Variants in ARHGAP12 observed in about 807,000 individuals in gnomAD.
The protein encoded by ARHGAP12 is rho GTPase-activating protein 12.
In ARHGAP12, 64 loss-of-function variants were observed where a neutral mutation model predicts 108.6. The ratio of observed to expected loss-of-function variants is 0.59; its 90% CI spans 0.48 to 0.73. The LOEUF (loss-of-function observed/expected upper bound fraction) is 0.73, where lower values mean the gene tolerates loss of function less well. ARHGAP12 is among the 30% of genes least tolerant of loss of function. ARHGAP12 has a pLI of 0.00. For missense variants in ARHGAP12, 940 were observed against 1,005.9 expected, an observed-to-expected ratio of 0.93 and a Z score of 0.89; for synonymous variants, 312 against 337.2, an observed-to-expected ratio of 0.93 and a Z score of 0.82.
intron 4 of ARHGAP12, 132 bp from the exon 5 acceptor site, chr10:31,854,338 G>C: frequency 1.2e-6 from 1 of 835,714 alleles, no homozygotes; most frequent in Non-Finnish European, 1.7e-6. Flanking sequence ...ATTTGATTTT[G>C]AAAATAAATT....
intron 10 of ARHGAP12, among the ~76,000 whole-genome samples, chr10:31,829,429 C>T (rs1835749123): frequency 6.6e-6 from 1 of 152,076 alleles, no homozygotes. Flanking sequence ...ATACTTAACA[C>T]CACTGAGATG....
intron 19 of ARHGAP12, 55 bp downstream of exon 19, chr10:31,808,594 C>A (rs895851933): frequency 6.6e-7 from 1 of 1,516,398 alleles, no homozygotes; most frequent in South Asian, 1.2e-5. Context: ...GCCCCACAGG[C>A]CTTCCCGCTT....
chr10:31,871,101 C>G (rs1326845261), intron 3 of ARHGAP12, among the ~76,000 whole-genome samples: 1 of 152,116 alleles, frequency 6.6e-6, no homozygotes. Context: ...TGAGACACAG[C>G]ATGCAGAAAA....
intron 3 of ARHGAP12, among the ~76,000 whole-genome samples, chr10:31,904,781 T>C (rs1839061165): frequency 6.6e-6 from 1 of 151,844 alleles, no homozygotes; most frequent in South Asian, 2.1e-4. Context: ...CACATGCCAC[T>C]ACACCCATCT....
chr10:31,890,387 T>C (rs1035098395), intron 3 of ARHGAP12, among the ~76,000 whole-genome samples: 1 of 152,222 alleles, frequency 6.6e-6, no homozygotes, highest in Non-Finnish European at 1.5e-5. Flanking sequence ...TATTACGTTA[T>C]AAATACTGAG....
chr10:31,848,514 T>C (rs954289210), intron 6 of ARHGAP12, among the ~76,000 whole-genome samples: 4 of 152,200 alleles, frequency 2.6e-5, no homozygotes, highest in Non-Finnish European at 5.9e-5. Context: ...TACATGAATA[T>C]AGAAAACTTT....
intron 6 of ARHGAP12, among the ~76,000 whole-genome samples, chr10:31,847,491 T>C (rs541095528): frequency 6.6e-6 from 1 of 152,292 alleles, no homozygotes; most frequent in African/African-American, 2.4e-5. Flanking sequence ...CCCCACCATG[T>C]TTCAGTTCTC....
At chr10:31,814,588 G>T (rs11008656) in intron 13 of ARHGAP12, among the ~76,000 whole-genome samples, 7,634 of 152,020 alleles carry the variant, frequency 0.05, 643 homozygotes, top group African/African-American at 0.17. Context: ...AAATTCACAG[G>T]ATAATGGGTT....
intron 10 of ARHGAP12, among the ~76,000 whole-genome samples, chr10:31,829,727 AAAGACC>A (rs1835761295): frequency 6.6e-6 from 1 of 152,248 alleles, no homozygotes; most frequent in Non-Finnish European, 1.5e-5. Context: ...CAGGTGCAAC[AAAGACC>A]AACGGCTTTT....
intron 1 of ARHGAP12, among the ~76,000 whole-genome samples, chr10:31,913,994 T>C (rs948965354): frequency 6.6e-6 from 1 of 152,144 alleles, no homozygotes; most frequent in African/African-American, 2.4e-5. Flanking sequence ...ACAGCACAAA[T>C]CAGTTACTTA....
chr10:31,856,841 A>C (rs1285869424), intron 4 of ARHGAP12, among the ~76,000 whole-genome samples: 2 of 152,204 alleles, frequency 1.3e-5, no homozygotes, highest in African/African-American at 4.8e-5. Context: ...ACTAACAAAA[A>C]ATAGAAAACA....
intron 1 of ARHGAP12, among the ~76,000 whole-genome samples, chr10:31,925,396 A>T (rs1375390276): frequency 7.9e-5 from 12 of 152,232 alleles, no homozygotes; most frequent in Admixed American, 7.9e-4. Flanking sequence ...TACTGCAAAG[A>T]TAGTCCACAG....
chr10:31,922,180 C>CAAAAAAAAAAAAAAAAAA (rs56210740), intron 1 of ARHGAP12, among the ~76,000 whole-genome samples: 2 of 66,120 alleles, frequency 3.0e-5, no homozygotes, highest in Admixed American at 1.8e-4. Flanking sequence ...GACCCTGCCT[C>CAAAAAAAAAAAAAAAAAA]AAAAAAAAAA....
rs1472749047 is a variant in ARHGAP12, at chr10:31,890,846, A to C, written c.684+17326T>G. On this transcript the variant is annotated intron_variant, in intron 3 of 19. Transcript: ENST00000344936. ...AAATCCAATTAGCCTAAAAAAAAGA[A>C]AATCCCATTCCTCAAGCACTCTTCT... is the stretch of plus-strand genomic sequence containing the variant. Among the ~76,000 whole-genome samples the C allele has an allele frequency of 2.6e-5, 4 of 152,198 alleles. No homozygotes were observed. In the East Asian group the frequency reaches 5.8e-4, roughly 22 times the overall value.
chr10:31,814,432 C>T (rs1835129595), intron 13 of ARHGAP12, 71 bp from the exon 14 acceptor site: 3 of 1,219,138 alleles, frequency 2.5e-6, no homozygotes, highest in Non-Finnish European at 3.6e-6. Context: ...GCATAATTCT[C>T]ACAATGACTA....
rs1835071060 is a variant in ARHGAP12 at position 31,812,830 on chromosome 10, A to G, written c.1835-7T>C. On this transcript the variant is annotated splice_polypyrimidine_tract_variant and splice_region_variant and intron_variant, in intron 14 of 19. Coordinates refer to ENST00000344936, the MANE Select transcript of ARHGAP12 (RefSeq NM_018287.7). Reference sequence around the variant, plus strand: ...ATGCTAGATACTTTAAAGGCTTAAGACAAAAAGACAGGTAATGAGCATTTG... The same window carrying G: ...ATGCTAGATACTTTAAAGGCTTAAGGCAAAAAGACAGGTAATGAGCATTTG... 1.3e-6 allele frequency: 2 copies of G among 1,483,682 alleles called. No homozygotes were observed. Among genetic ancestry groups the G allele is most frequent in the Non-Finnish European group, 1.8e-6 (2 of 1,091,348 alleles). The allele number at this position is 1,483,682 out of a possible 1,614,324, so 91.9% of individuals were successfully genotyped here.
intron 1 of ARHGAP12, among the ~76,000 whole-genome samples, chr10:31,921,044 A>G (rs1401807430): frequency 1.3e-5 from 2 of 152,142 alleles, no homozygotes; most frequent in Non-Finnish European, 2.9e-5. Context: ...TGGGAGTCGG[A>G]GGTGGGAGGA....
chr10:31,828,640 T>C (rs1835714616), intron 10 of ARHGAP12, among the ~76,000 whole-genome samples: 1 of 152,100 alleles, frequency 6.6e-6, no homozygotes, highest in African/African-American at 2.4e-5. Flanking sequence ...AAATAACGAT[T>C]ATTGCCTCAA....
chr10:31,905,795 G>A (rs779818344), intron 3 of ARHGAP12, among the ~76,000 whole-genome samples: 1 of 150,076 alleles, frequency 6.7e-6, no homozygotes, highest in Non-Finnish European at 1.5e-5. Flanking sequence ...TGTACTGGGG[G>A]AAAAGAGGAC....
Sources: gnomAD v4.1 joint callset for allele counts (sites outside exome capture counted in the v4.1 genomes callset) on GRCh38, gnomAD v4.1.1 for gene constraint, MANE v1.5 for transcripts, NCBI Gene and HGNC (gene_info 2026-07-23, HGNC 2026-07-21) for gene names.